Variants in THSD4 observed in about 807,000 individuals in gnomAD.
The protein encoded by THSD4 is thrombospondin type-1 domain-containing protein 4.
A neutral mutation model predicts 119.0 loss-of-function variants in THSD4; 69 were observed. The observed-to-expected ratio is 0.58, with a 90% CI of 0.48 to 0.71. The LOEUF (loss-of-function observed/expected upper bound fraction) is 0.71, where lower values mean the gene tolerates loss of function less well. THSD4 is among the 30% of genes least tolerant of loss of function. The pLI, the probability that THSD4 is intolerant of heterozygous loss-of-function variation, is 0.00. For synonymous variants in THSD4, 524 were observed against 540.4 expected (o/e 0.97, Z 0.42); for missense variants, 1,393 against 1,391.1 (o/e 1.00, Z -0.02).
At chr15:71,303,195 A>G (rs2044976690) in intron 6 of THSD4, among the ~76,000 whole-genome samples, 1 of 152,230 alleles carries the variant, frequency 6.6e-6, no homozygotes, top group South Asian at 2.1e-4. Flanking sequence ...CAGCCAGCAC[A>G]GAATGACTGT....
At chr15:71,338,666 G>A (rs2045519973) in intron 6 of THSD4, among the ~76,000 whole-genome samples, 1 of 152,084 alleles carries the variant, frequency 6.6e-6, no homozygotes, top group African/African-American at 2.4e-5. Context: ...TCTGTTGTTT[G>A]GGCTTGGTTA....
chr15:71,243,654 A>G (rs183384786), intron 5 of THSD4, among the ~76,000 whole-genome samples: 17 of 152,294 alleles, frequency 1.1e-4, no homozygotes, highest in Admixed American at 3.9e-4. Flanking sequence ...AGCTGTACTC[A>G]TGCATATATA....
At chr15:71,474,203 T>G (rs2007310) in intron 7 of THSD4, among the ~76,000 whole-genome samples, 26,787 of 151,670 alleles carry the variant, frequency 0.18, 2,708 homozygotes, top group South Asian at 0.37. Context: ...CACATATTGT[T>G]TGGCATCTTG....
At chr15:71,635,109 G>A (rs1052590050) in intron 7 of THSD4, among the ~76,000 whole-genome samples, 2 of 152,136 alleles carry the variant, frequency 1.3e-5, no homozygotes, top group Admixed American at 6.5e-5. Context: ...TGTATGCACT[G>A]CCCATTAATT....
At chr15:71,697,955 T>C (rs1211909053) in intron 8 of THSD4, among the ~76,000 whole-genome samples, 1 of 151,734 alleles carries the variant, frequency 6.6e-6, no homozygotes, top group African/African-American at 2.4e-5. Context: ...AGATGAAATA[T>C]GGCACAGAAC....
intron 14 of THSD4, among the ~76,000 whole-genome samples, chr15:71,751,357 T>C (rs1469592631): frequency 6.6e-6 from 1 of 152,204 alleles, no homozygotes; most frequent in Non-Finnish European, 1.5e-5. Flanking sequence ...TTTAAGAATA[T>C]GAGAAATTTG....
intron 11 of THSD4, among the ~76,000 whole-genome samples, chr15:71,739,262 A>G (rs1179921580): frequency 6.6e-6 from 1 of 152,202 alleles, no homozygotes; most frequent in Admixed American, 6.5e-5. Flanking sequence ...CCTGAAGCCC[A>G]ACAAAGTCAG....
intron 6 of THSD4, among the ~76,000 whole-genome samples, chr15:71,345,497 A>G (rs2045643534): frequency 6.6e-6 from 1 of 152,204 alleles, no homozygotes; most frequent in South Asian, 2.1e-4. Flanking sequence ...TTGGTAATAA[A>G]TCACACATAA....
intron 8 of THSD4, among the ~76,000 whole-genome samples, chr15:71,718,799 C>T (rs1251547241): frequency 3.9e-5 from 6 of 152,124 alleles, no homozygotes; most frequent in Non-Finnish European, 8.8e-5. Context: ...GTGACCCACT[C>T]CTCCCTGCAA....
rs565925990 is a variant in THSD4 at position 71,592,371 on chromosome 15, C to T, written c.1153-68159C>T. On this transcript the variant is annotated intron_variant, in intron 7 of 17. Transcript: ENST00000261862. ...GGCTGTTGGCAGCCCCCAGAGCCAT[C>T]TGAGCGTGTGCACAGCCACATGGCC... Among the ~76,000 whole-genome samples, 119 of 152,294 alleles carry T rather than the reference C, an allele frequency of 7.8e-4. 3 individuals are homozygous for T. The South Asian group carries it at 0.023, about 30-fold the overall frequency.
At chr15:71,483,929 G>A (rs1054001392) in intron 7 of THSD4, among the ~76,000 whole-genome samples, 1 of 152,100 alleles carries the variant, frequency 6.6e-6, no homozygotes, top group African/African-American at 2.4e-5. Flanking sequence ...ACACGATCTC[G>A]TTCCTTTTTA....
At chr15:71,263,694 A>C (rs1009094643) in intron 6 of THSD4, among the ~76,000 whole-genome samples, 3 of 152,198 alleles carry the variant, frequency 2.0e-5, no homozygotes, top group Non-Finnish European at 4.4e-5. Context: ...ATACAGACTC[A>C]GGTTCTTAAA....
chr15:71,569,541 G>T (rs2049310362), intron 7 of THSD4, among the ~76,000 whole-genome samples: 2 of 152,202 alleles, frequency 1.3e-5, no homozygotes, highest in Admixed American at 1.3e-4. Context: ...GGAAAATGGA[G>T]CAAAGAGGAA....
intron 2 of THSD4, among the ~76,000 whole-genome samples, chr15:71,153,654 G>A (rs1289190233): frequency 2.0e-5 from 3 of 152,242 alleles, no homozygotes; most frequent in East Asian, 1.9e-4. Context: ...CCTAACCCCC[G>A]GCTTCGGGCA....
chr15:71,153,849 T>C (rs952513160), intron 2 of THSD4, among the ~76,000 whole-genome samples: 1 of 152,202 alleles, frequency 6.6e-6, no homozygotes, highest in Non-Finnish European at 1.5e-5. Flanking sequence ...CTTAAAATAA[T>C]GACATTGATG....
chr15:71,399,710 T>C (rs1486948176), intron 6 of THSD4, among the ~76,000 whole-genome samples: 1 of 152,188 alleles, frequency 6.6e-6, no homozygotes, highest in Non-Finnish European at 1.5e-5. Context: ...CCAGCAGCAC[T>C]GGCATCACCT....
chr15:71,356,521 G>T (rs2045813344), intron 6 of THSD4, among the ~76,000 whole-genome samples: 1 of 152,180 alleles, frequency 6.6e-6, no homozygotes. Context: ...TACATAGTAG[G>T]TGCTAAATCA....
At chr15:71,769,927 T>A in intron 16 of THSD4, among the ~76,000 whole-genome samples, 1 of 65,052 alleles carries the variant, frequency 1.5e-5, no homozygotes, top group African/African-American at 9.6e-5. Context: ...AAAAATAAAT[T>A]TAAAAAAAAA....
intron 4 of THSD4, among the ~76,000 whole-genome samples, chr15:71,225,790 C>G (rs562412295): frequency 6.6e-6 from 1 of 152,050 alleles, no homozygotes; most frequent in Admixed American, 6.5e-5. Context: ...ATCTGCTTGT[C>G]TTGGCCTCCC....
Sources: gnomAD v4.1 joint callset for allele counts (sites outside exome capture counted in the v4.1 genomes callset) on GRCh38, gnomAD v4.1.1 for gene constraint, MANE v1.5 for transcripts, NCBI Gene and HGNC (gene_info 2026-07-23, HGNC 2026-07-21) for gene names.